The following NLGN1 variants were observed in gnomAD, a reference collection of about 807,000 sequenced individuals.
NLGN1 encodes neuroligin 1.
Under a neutral mutation model 65.5 loss-of-function variants are expected in NLGN1, and 12 were observed. The ratio of observed to expected loss-of-function variants is 0.18; its 90% CI spans 0.12 to 0.30. The LOEUF is 0.30. NLGN1 is among the 10% of genes least tolerant of loss of function. NLGN1 has a pLI of 1.00. For synonymous variants in NLGN1, 350 were observed against 359.5 expected (o/e 0.97, Z 0.30); for missense variants, 750 against 1,007.1 (o/e 0.74, Z 3.46).
intron 4 of NLGN1, among the ~76,000 whole-genome samples, chr3:173,846,260 G>A (rs1725774077): frequency 6.6e-6 from 1 of 152,126 alleles, no homozygotes; most frequent in Non-Finnish European, 1.5e-5. Context: ...AAGACTTATT[G>A]GAAAGAAAAG....
intron 4 of NLGN1, among the ~76,000 whole-genome samples, chr3:174,270,438 G>T (rs1010227259): frequency 2.0e-5 from 3 of 151,640 alleles, no homozygotes; most frequent in Admixed American, 1.3e-4. Context: ...CCTTTGTCAA[G>T]AATCATTTGG....
At chr3:173,925,248 C>A (rs1742789944) in intron 4 of NLGN1, among the ~76,000 whole-genome samples, 1 of 151,858 alleles carries the variant, frequency 6.6e-6, no homozygotes, top group Admixed American at 6.6e-5. Flanking sequence ...GAAAGCTGTA[C>A]CTGGATAATG....
At chr3:174,177,295 A>G (rs1283946667) in intron 4 of NLGN1, among the ~76,000 whole-genome samples, 1 of 151,890 alleles carries the variant, frequency 6.6e-6, no homozygotes, top group African/African-American at 2.4e-5. Flanking sequence ...CTACATTTTT[A>G]TTTTTCTCAA....
At chr3:174,170,299 T>TA (rs1005394436) in intron 4 of NLGN1, among the ~76,000 whole-genome samples, 2 of 152,130 alleles carry the variant, frequency 1.3e-5, no homozygotes, top group African/African-American at 4.8e-5. Flanking sequence ...GATAACACTT[T>TA]AAAAAAATTC....
intron 4 of NLGN1, among the ~76,000 whole-genome samples, chr3:173,972,128 A>G (rs1716385911): frequency 6.6e-6 from 1 of 152,138 alleles, no homozygotes; most frequent in South Asian, 2.1e-4. Flanking sequence ...GAACATTAAC[A>G]AAGTAAGAAT....
At chr3:173,722,246 T>C (rs868752333) in intron 3 of NLGN1, among the ~76,000 whole-genome samples, 3,362 of 142,348 alleles carry the variant, frequency 0.024, 45 homozygotes, top group South Asian at 0.06. Context: ...TTCTTCTTTT[T>C]TTTTTTTTTT....
At chr3:173,593,526 A>T (rs565052901) in intron 2 of NLGN1, among the ~76,000 whole-genome samples, 172 of 152,328 alleles carry the variant, frequency 1.1e-3, no homozygotes, top group African/African-American at 4.0e-3. Context: ...TTGAGAGATA[A>T]GAGAAGGGAG....
chr3:173,668,542 C>T lies in NLGN1; in HGVS notation c.493+63451C>T, dbSNP rs537269583. ...GAGGAAGACAACCCTGTGTGAAAGG[C>T]TTGGCCATTCTTCAGTGTTGTGGCC... On this transcript the variant is annotated intron_variant, in intron 3 of 6. Coordinates refer to ENST00000457714, the Ensembl canonical transcript of NLGN1. Among the ~76,000 whole-genome samples, 7 of 151,934 alleles carry T rather than the reference C, an allele frequency of 4.6e-5. No individual in the cohort carries two copies. In the South Asian group the frequency reaches 8.3e-4, roughly 18 times the overall value.
At chr3:174,184,274 G>A (rs1730996975) in intron 4 of NLGN1, among the ~76,000 whole-genome samples, 1 of 151,970 alleles carries the variant, frequency 6.6e-6, no homozygotes, top group African/African-American at 2.4e-5. Flanking sequence ...ACTTGGCAAT[G>A]AGTAAAATGA....
chr3:173,772,449 C>T (rs1030661458), intron 3 of NLGN1, among the ~76,000 whole-genome samples: 7 of 152,004 alleles, frequency 4.6e-5, no homozygotes, highest in Non-Finnish European at 1.0e-4. Context: ...GAAACCCCAC[C>T]TCTACTAAAA....
chr3:173,482,375 A>G (rs569849017), intron 2 of NLGN1, among the ~76,000 whole-genome samples: 1 of 151,946 alleles, frequency 6.6e-6, no homozygotes, highest in South Asian at 2.1e-4. Flanking sequence ...TTAACACATT[A>G]ATTTTTTTCC....
chr3:174,037,489 A>G (rs1352791743), intron 4 of NLGN1, among the ~76,000 whole-genome samples: 1 of 152,206 alleles, frequency 6.6e-6, no homozygotes, highest in Non-Finnish European at 1.5e-5. Flanking sequence ...CACGATGTCG[A>G]TGAAAGCACT....
intron 4 of NLGN1, among the ~76,000 whole-genome samples, chr3:174,252,153 A>G (rs1438056498): frequency 4.6e-5 from 7 of 152,184 alleles, no homozygotes; most frequent in Non-Finnish European, 2.9e-5. Flanking sequence ...TAATAAAGGT[A>G]TATAAAACAG....
intron 2 of NLGN1, among the ~76,000 whole-genome samples, chr3:173,544,268 G>A (rs6787102): frequency 1.5e-5 from 2 of 135,930 alleles, no homozygotes; most frequent in African/African-American, 7.0e-5. Flanking sequence ...ACGTGTGTGT[G>A]TGTGTGTGTG....
intron 2 of NLGN1, among the ~76,000 whole-genome samples, chr3:173,582,490 A>G (rs75397238): frequency 0.011 from 1,700 of 152,106 alleles, 37 homozygotes; most frequent in African/African-American, 0.039. Flanking sequence ...ATTTCTGCCA[A>G]TTTCATGACT....
chr3:174,211,861 T>C (rs1214357470), intron 4 of NLGN1, among the ~76,000 whole-genome samples: 2 of 152,202 alleles, frequency 1.3e-5, no homozygotes, highest in African/African-American at 4.8e-5. Flanking sequence ...GAGCTAGATA[T>C]AAAGACTCTC....
At chr3:174,085,799 A>G (rs59686261) in intron 4 of NLGN1, among the ~76,000 whole-genome samples, 18,519 of 152,078 alleles carry the variant, frequency 0.12, 1,209 homozygotes, top group East Asian at 0.2. Context: ...AAAAATACAT[A>G]TAAGCTCCAC....
intron 3 of NLGN1, among the ~76,000 whole-genome samples, chr3:173,749,877 C>T (rs1196042614): frequency 1.3e-5 from 2 of 152,054 alleles, no homozygotes; most frequent in African/African-American, 4.8e-5. Flanking sequence ...ACATTCCAGT[C>T]TTCCTAAAGC....
chr3:174,212,442 G>C (rs1023068716), intron 4 of NLGN1, among the ~76,000 whole-genome samples: 2 of 152,214 alleles, frequency 1.3e-5, no homozygotes, highest in Non-Finnish European at 2.9e-5. Context: ...TGGGCTGAAG[G>C]GCTCCTCAAA....
Sources: gnomAD v4.1 joint callset for allele counts (sites outside exome capture counted in the v4.1 genomes callset) on GRCh38, gnomAD v4.1.1 for gene constraint, MANE v1.5 for transcripts, NCBI Gene and HGNC (gene_info 2026-07-23, HGNC 2026-07-21) for gene names.